GRIN2A: variants seen among roughly 807,000 people sequenced by gnomAD.
GRIN2A encodes the protein glutamate ionotropic receptor NMDA type subunit 2A, also known as glutamate receptor ionotropic, NMDA 2A.
In GRIN2A, 22 loss-of-function variants were observed where a neutral mutation model predicts 113.4. The observed-to-expected ratio is 0.19, with a 90% CI of 0.14 to 0.28. The LOEUF is 0.28. Among genes scored for constraint, GRIN2A ranks in the 10% least tolerant of loss-of-function variants. The probability of loss-of-function intolerance (pLI) is 1.00; values close to 1 mark genes in which losing one functional copy is unlikely to be tolerated. For synonymous variants in GRIN2A, 827 were observed against 738.4 expected (o/e 1.12, Z -1.94); for missense variants, 1,502 against 1,887.0 (o/e 0.80, Z 3.78).
At chr16:10,068,605 C>T (rs79262004) in intron 2 of GRIN2A, among the ~76,000 whole-genome samples, 25,009 of 152,262 alleles carry the variant, frequency 0.16, 2,765 homozygotes, top group East Asian at 0.53. Context: ...TCCCACCAGG[C>T]CCCACCTCCA....
intron 7 of GRIN2A, among the ~76,000 whole-genome samples, chr16:9,839,003 T>A (rs1171854482): frequency 1.3e-5 from 2 of 152,196 alleles, no homozygotes; most frequent in African/African-American, 2.4e-5. Flanking sequence ...TTCACCACTA[T>A]ATAATTCGTC....
At chr16:9,831,756 T>A (rs550686127) in intron 8 of GRIN2A, among the ~76,000 whole-genome samples, 24 of 152,134 alleles carry the variant, frequency 1.6e-4, no homozygotes, top group African/African-American at 5.1e-4. Flanking sequence ...CCTCAAGTGA[T>A]CTGCCCACCT....
intron 4 of GRIN2A, among the ~76,000 whole-genome samples, chr16:9,872,021 G>C (rs1341764785): frequency 1.3e-5 from 2 of 152,006 alleles, no homozygotes; most frequent in East Asian, 3.8e-4. Context: ...TATAAAATAG[G>C]GGCAATAATA....
At chr16:9,870,268 A>G (rs2043234516) in intron 4 of GRIN2A, among the ~76,000 whole-genome samples, 1 of 152,184 alleles carries the variant, frequency 6.6e-6, no homozygotes, top group Non-Finnish European at 1.5e-5. Flanking sequence ...CATAACTATA[A>G]ATGTAACCCA....
At chr16:9,766,951 T>C (rs771104793) in intron 12 of GRIN2A, among the ~76,000 whole-genome samples, 5 of 152,224 alleles carry the variant, frequency 3.3e-5, no homozygotes, top group African/African-American at 7.2e-5. Flanking sequence ...TCTTAAAATG[T>C]TGATAAATCA....
chr16:10,179,893 C>CCCAAAAAAAAAAAACAA, intron 2 of GRIN2A, 105 bp downstream of exon 2: 1 of 719,818 alleles, frequency 1.4e-6, no homozygotes. Flanking sequence ...CCCCCACCCC[C>CCCAAAAAAAAAAAACAA]ACTTCACATC....
chr16:9,868,752 TC>T (rs1479970450), intron 4 of GRIN2A, among the ~76,000 whole-genome samples: 1 of 152,110 alleles, frequency 6.6e-6, no homozygotes, highest in Non-Finnish European at 1.5e-5. Context: ...GACAACCAAC[TC>T]CTGGTTCCAG....
chr16:10,017,367 A>C (rs2046631040), intron 2 of GRIN2A, among the ~76,000 whole-genome samples: 1 of 152,054 alleles, frequency 6.6e-6, no homozygotes, highest in Admixed American at 6.5e-5. Flanking sequence ...CAGTCAGAGA[A>C]GACTACCTGG....
intron 2 of GRIN2A, among the ~76,000 whole-genome samples, chr16:10,019,590 C>T (rs114268387): frequency 0.01 from 1,593 of 152,282 alleles, 33 homozygotes; most frequent in African/African-American, 0.036. Context: ...GGCTAGAAAA[C>T]GGTATGCCCT....
intron 2 of GRIN2A, among the ~76,000 whole-genome samples, chr16:10,143,263 AG>A (rs1308978337): frequency 2.6e-5 from 4 of 152,316 alleles, no homozygotes; most frequent in South Asian, 2.1e-4. Context: ...CCTTCCGCTA[AG>A]GGCCTCCTTA....
Position 9,956,472 on chromosome 16 carries a change from G to C in GRIN2A, c.415-17921C>G, listed in dbSNP as rs117180745. On this transcript the variant is annotated intron_variant, in intron 2 of 12. Transcript: ENST00000330684. The stretch of plus-strand genomic sequence containing the variant: ...ATAGTATGAATCTTACCAACTTCTA[G>C]AACTGCACAGTGAGCCAGATGTCAA... 3.9e-3 allele frequency among the ~76,000 whole-genome samples: 595 copies of C among 152,216 alleles called. 9 individuals are homozygous for C. The highest frequency in any genetic ancestry group is 0.01 in the Middle Eastern group (3 of 294).
chr16:9,777,694 T>G (rs1378911130), intron 11 of GRIN2A, among the ~76,000 whole-genome samples: 1 of 152,206 alleles, frequency 6.6e-6, no homozygotes, highest in Non-Finnish European at 1.5e-5. Flanking sequence ...TTGCAGGATT[T>G]CACAGGCCAC....
chr16:9,922,856 T>C (rs1339925918), intron 3 of GRIN2A, among the ~76,000 whole-genome samples: 2 of 152,214 alleles, frequency 1.3e-5, no homozygotes. Flanking sequence ...CAGAAATACT[T>C]TGTGTTAGTG....
chr16:10,113,699 T>G (rs944272110), intron 2 of GRIN2A, among the ~76,000 whole-genome samples: 3 of 152,256 alleles, frequency 2.0e-5, no homozygotes, highest in Non-Finnish European at 2.9e-5. Context: ...TTATATCTTA[T>G]GTACTTGTAT....
intron 11 of GRIN2A, among the ~76,000 whole-genome samples, chr16:9,785,332 C>G (rs550276373): frequency 3.3e-5 from 5 of 151,068 alleles, no homozygotes; most frequent in Non-Finnish European, 7.4e-5. Flanking sequence ...AGCAAACTAT[C>G]GCAAGGACAA....
chr16:9,983,476 G>C (rs933568708), intron 2 of GRIN2A, among the ~76,000 whole-genome samples: 1 of 137,820 alleles, frequency 7.3e-6, no homozygotes, highest in Admixed American at 7.5e-5. Context: ...GTCTCGCTTT[G>C]TCACCCAGGC....
At chr16:10,103,826 G>A (rs1225048552) in intron 2 of GRIN2A, among the ~76,000 whole-genome samples, 1 of 152,172 alleles carries the variant, frequency 6.6e-6, no homozygotes, top group Non-Finnish European at 1.5e-5. Flanking sequence ...ACCATGGAAT[G>A]TATCTGCTCT....
intron 2 of GRIN2A, among the ~76,000 whole-genome samples, chr16:10,169,958 A>T (rs1175227352): frequency 6.6e-6 from 1 of 152,204 alleles, no homozygotes; most frequent in African/African-American, 2.4e-5. Flanking sequence ...TGGTCAATAC[A>T]AAATAAACAA....
intron 2 of GRIN2A, among the ~76,000 whole-genome samples, chr16:10,090,233 C>G (rs1182740679): frequency 6.6e-6 from 1 of 151,710 alleles, no homozygotes; most frequent in Admixed American, 6.6e-5. Context: ...TAGACCCAGG[C>G]AAAATAATTT....
Sources: gnomAD v4.1 joint callset for allele counts (sites outside exome capture counted in the v4.1 genomes callset) on GRCh38, gnomAD v4.1.1 for gene constraint, MANE v1.5 for transcripts, NCBI Gene and HGNC (gene_info 2026-07-23, HGNC 2026-07-21) for gene names.